The following RET variants were observed in gnomAD, a reference collection of about 807,000 sequenced individuals.
RET encodes proto-oncogene tyrosine-protein kinase receptor Ret.
RET carries 19 observed loss-of-function variants against 118.3 expected under a neutral mutation model. The ratio of observed to expected loss-of-function variants is 0.16; its 90% CI spans 0.11 to 0.24. The LOEUF (loss-of-function observed/expected upper bound fraction) is 0.24. Ranked by LOEUF, RET falls within the 10% of genes least tolerant of loss-of-function variation. The pLI is 1.00. For synonymous variants in RET, 597 were observed against 644.1 expected, an observed-to-expected ratio of 0.93 and a Z score of 1.11; for missense variants, 1,219 against 1,502.1, an observed-to-expected ratio of 0.81 and a Z score of 3.12.
Position 43,111,202 on chromosome 10 carries a change from C to T in RET, c.1264-5C>T, listed in dbSNP as rs9282835. 9,731 of 1,613,594 alleles carry T rather than the reference C, an allele frequency of 6.0e-3. 425 individuals carry two copies. The African/African-American group carries it at 0.099, about 16-fold the overall frequency. Reference sequence around the variant, plus strand: ...TGGCTAAGGTGTTCCCCTGTGCCCCCCTAGATCGGGAAAGTCTGTGTGGAA... The same window carrying T: ...TGGCTAAGGTGTTCCCCTGTGCCCCTCTAGATCGGGAAAGTCTGTGTGGAA... On this transcript the variant is annotated splice_region_variant and splice_polypyrimidine_tract_variant and intron_variant, in intron 6 of 19. Transcript: ENST00000355710.
intron 6 of RET, among the ~76,000 whole-genome samples, chr10:43,110,423 G>A (rs1564493947): frequency 6.6e-6 from 1 of 152,208 alleles, no homozygotes; most frequent in South Asian, 2.1e-4. Flanking sequence ...TGTGGGCCTG[G>A]GAGAGCCCAG....
intron 12 of RET, 34 bp from the exon 13 acceptor site, chr10:43,118,339 G>A (rs567684697): frequency 9.6e-6 from 15 of 1,563,078 alleles, no homozygotes; most frequent in South Asian, 5.6e-5. Context: ...TTCCAGGAGC[G>A]ATCGTTTGCA....
At position 43,126,595 on chromosome 10, in the gene RET, G is replaced by A. The variant is rs767152839; in HGVS notation, c.3060G>A (p.Ala1020=). 1.4e-5 allele frequency: 23 copies of A among 1,613,948 alleles called. No homozygotes were observed. The highest frequency in any genetic ancestry group is 1.3e-4 in the East Asian group (6 of 44,900). The change falls in exon 19 of 20, where the codon GCG becomes GCA. Residue 1020 remains alanine, a synonymous_variant. Coordinates refer to ENST00000355710, the MANE Select transcript of RET (RefSeq NM_020975.6). ...VKRRDYLDLA[A]STPSDSLIYD... is the part of the protein sequence containing the mutation. ...TCCAGGACTACTTGGACCTTGCGGCGTCCACTCCATCTGACTCCCTGATTT... is the reference window on the plus strand; with the variant it reads ...TCCAGGACTACTTGGACCTTGCGGCATCCACTCCATCTGACTCCCTGATTT...
chr10:43,121,022 A>T (rs1290850625), intron 15 of RET, among the ~76,000 whole-genome samples: 1 of 151,714 alleles, frequency 6.6e-6, no homozygotes, highest in Non-Finnish European at 1.5e-5. Flanking sequence ...TTGTGTTGCC[A>T]GGGGTTGTGA....
intron 3 of RET, 197 bp downstream of exon 3, chr10:43,102,826 C>A: frequency 3.0e-6 from 2 of 664,586 alleles, no homozygotes. Context: ...ATGAACACAA[C>A]GGGTTGGAAT....
Position 43,128,379 on chromosome 10 carries a change from TC to T in RET, c.*113del. ...TCACATTGGCCGAGCCGTGTTCAGT[TC>T]CCAGGTGGCAGACTCGTTTTTGGTA... On this transcript the variant is annotated 3_prime_UTR_variant, in exon 20 of 20. Coordinates refer to ENST00000355710, the MANE Select transcript of RET (RefSeq NM_020975.6). 1 of 1,323,088 alleles carries T rather than the reference TC, an allele frequency of 7.6e-7. No homozygotes were observed. Among genetic ancestry groups the T allele is most frequent in the East Asian group, 2.3e-5 (1 of 43,080 alleles). The allele number at this position is 1,323,088 out of a possible 1,614,324, so 82.0% of individuals were successfully genotyped here.
chr10:43,104,858 C>T, intron 3 of RET, 94 bp from the exon 4 acceptor site: 1 of 1,506,024 alleles, frequency 6.6e-7, no homozygotes. Flanking sequence ...GCGGTGTGCG[C>T]CCCGCTCTGA....
In RET at chr10:43,128,869, A is replaced by T. The variant is rs2742240; in HGVS notation, c.*600A>T. On this transcript the variant is annotated 3_prime_UTR_variant, in exon 20 of 20. Coordinates refer to ENST00000355710, the MANE Select transcript of RET (RefSeq NM_020975.6). Reference sequence around the variant, plus strand: ...CGAGATCTTGAGAATGATTTTTTTTAAATCATGCAACCTTTCCTTAGGAAG... The same window carrying T: ...CGAGATCTTGAGAATGATTTTTTTTTAATCATGCAACCTTTCCTTAGGAAG... 0.8 allele frequency: 189,841 copies of T among 236,026 alleles called. 77,635 individuals carry two copies. Among genetic ancestry groups the T allele is most frequent in the African/African-American group, 0.91 (41,004 of 44,974 alleles). 14.6% of individuals were successfully genotyped at this position (236,026 alleles called of 1,614,324 possible). A position where few individuals can be genotyped will look rare whatever the true frequency, so the allele number is the denominator to read the frequency against.
At chr10:43,113,186 C>T (rs1309048892) in intron 9 of RET, among the ~76,000 whole-genome samples, 1 of 152,102 alleles carries the variant, frequency 6.6e-6, no homozygotes, top group Non-Finnish European at 1.5e-5. Context: ...TGCTGAGGTC[C>T]CAGAAGTCGG....
At chr10:43,078,775 G>A (rs922633405) in intron 1 of RET, among the ~76,000 whole-genome samples, 1 of 152,192 alleles carries the variant, frequency 6.6e-6, no homozygotes, top group Non-Finnish European at 1.5e-5. Context: ...TCTGGGGGCC[G>A]GCTTGTGGCA....
At position 43,102,547 on chromosome 10, in the gene RET, C is replaced by G. The variant is rs1456922776; in HGVS notation, c.543C>G (p.Pro181=). The part of the protein sequence containing the change: ...RPSFRIRENR[P]PGTFHQFRLL... ...CCTTCCGCATTCGGGAGAACCGACCCCCAGGCACCTTCCACCAGTTCCGCC... is the reference window on the plus strand; with the variant it reads ...CCTTCCGCATTCGGGAGAACCGACCGCCAGGCACCTTCCACCAGTTCCGCC... The change falls in exon 3 of 20, where the codon CCC becomes CCG. Residue 181 remains proline, a synonymous_variant. Coordinates refer to ENST00000355710, the MANE Select transcript of RET (RefSeq NM_020975.6). 1.2e-6 allele frequency: 2 copies of G among 1,614,098 alleles called. No individual in the cohort carries two copies. Among genetic ancestry groups the G allele is most frequent in the East Asian group, 2.2e-5 (1 of 44,896 alleles).
chr10:43,126,503 G>A (rs1166611581), intron 18 of RET, 72 bp from the exon 19 acceptor site: 1 of 1,335,202 alleles, frequency 7.5e-7, no homozygotes, highest in Admixed American at 1.7e-5. Context: ...CCCTGAGGAT[G>A]GCTTGTTGTA....
chr10:43,080,710 C>T (rs1564482146), intron 1 of RET, among the ~76,000 whole-genome samples: 1 of 152,250 alleles, frequency 6.6e-6, no homozygotes, highest in Non-Finnish European at 1.5e-5. Context: ...CATGCACAGA[C>T]GCTGAGATAC....
intron 13 of RET, 148 bp downstream of exon 13, chr10:43,118,628 G>C: frequency 1.4e-6 from 1 of 734,810 alleles, no homozygotes; most frequent in South Asian, 1.5e-5. Flanking sequence ...TCAGGCCCCA[G>C]CCTGGAGCTT....
intron 7 of RET, 83 bp downstream of exon 7, chr10:43,111,548 ACAGCTG>A: frequency 6.8e-7 from 1 of 1,472,164 alleles, no homozygotes; most frequent in Non-Finnish European, 9.1e-7. Context: ...GAAAAGCAGT[ACAGCTG>A]CAAGGCTTAG....
chr10:43,114,370 C>A lies in RET; in HGVS notation c.1880-110C>A. 2 of 1,474,370 alleles carry A rather than the reference C, an allele frequency of 1.4e-6. No individual in the cohort carries two copies. The highest frequency in any genetic ancestry group is 1.8e-6 in the Non-Finnish European group (2 of 1,083,068). 91.3% of individuals were successfully genotyped at this position (1,474,370 alleles called of 1,614,324 possible). A position where few individuals can be genotyped will look rare whatever the true frequency, so the allele number is the denominator to read the frequency against. ...CCACACCTCCATGGCCACTTCCCAG[C>A]TGGCGCGGACACGGCAGGCTGGAGA... On this transcript the variant is annotated intron_variant, in intron 10 of 19. Coordinates refer to ENST00000355710, the MANE Select transcript of RET (RefSeq NM_020975.6). This position sits in a 1 kb window ranked among gnomAD's most constrained non-coding sequence, Gnocchi z 4.6.
chr10:43,121,924 C>T (rs2132983498), intron 15 of RET, 22 bp from the exon 16 acceptor site: 3 of 1,592,726 alleles, frequency 1.9e-6, no homozygotes, highest in Non-Finnish European at 2.6e-6. Flanking sequence ...ACTTCAATGT[C>T]TTTATTCCAT....
chr10:43,089,423 A>T (rs539131695), intron 1 of RET, among the ~76,000 whole-genome samples: 1 of 152,346 alleles, frequency 6.6e-6, no homozygotes, highest in East Asian at 1.9e-4. Context: ...AGCCATTAGC[A>T]TATGCGTGTC....
rs371417381 is a variant in RET at position 43,109,249 on chromosome 10, C to T, written c.1263+19C>T. On this transcript the variant is annotated intron_variant, in intron 6 of 19. Coordinates refer to ENST00000355710, the MANE Select transcript of RET (RefSeq NM_020975.6). ...TGCCCAGGTGAGCCCATACCTATTG[C>T]CTGTCTGGGGAAGATTGAAAGGCCA... 5.6e-6 allele frequency: 9 copies of T among 1,609,606 alleles called. No homozygotes were observed. Among genetic ancestry groups the T allele is most frequent in the South Asian group, 1.1e-5 (1 of 90,828 alleles).
Sources: gnomAD v4.1 joint callset for allele counts (sites outside exome capture counted in the v4.1 genomes callset) on GRCh38, gnomAD v4.1.1 for gene constraint, Gnocchi (gnomAD v3.1) non-coding constraint, MANE v1.5 for transcripts, NCBI Gene and HGNC (gene_info 2026-07-23, HGNC 2026-07-21) for gene names.